The following MICAL3 variants were observed in gnomAD, a reference collection of about 807,000 sequenced individuals.
The protein encoded by MICAL3 is microtubule associated monooxygenase, calponin and LIM domain containing 3, also known as [F-actin]-monooxygenase MICAL3.
A neutral mutation model predicts 207.4 loss-of-function variants in MICAL3; 62 were observed. The ratio of observed to expected loss-of-function variants is 0.30; its 90% CI spans 0.24 to 0.37. The LOEUF (loss-of-function observed/expected upper bound fraction) is 0.37, where lower values mean the gene tolerates loss of function less well. Among genes scored for constraint, MICAL3 ranks in the 10% least tolerant of loss-of-function variants. The probability of loss-of-function intolerance (pLI) is 1.00; values close to 1 mark genes in which losing one functional copy is unlikely to be tolerated. For synonymous variants in MICAL3, 1,077 were observed against 1,069.3 expected (o/e 1.01, Z -0.14); for missense variants, 2,368 against 2,635.6 (o/e 0.90, Z 2.22).
chr22:17,948,907 T>A (rs1934202282), intron 1 of MICAL3, among the ~76,000 whole-genome samples: 2 of 34,404 alleles, frequency 5.8e-5, no homozygotes, highest in African/African-American at 1.7e-4. Flanking sequence ...AGTGAGATGC[T>A]GCCTCAAAAA....
chr22:17,818,145 TG>T lies in MICAL3; in HGVS notation c.4515del (p.Arg1506GlufsTer99), dbSNP rs1569078017. Reference sequence around the variant, plus strand: ...ACAAACGACTTCCGCACCTCCTCTCTGGGGGGCTGAGCAGGCTCCCGGGGGG... The same window carrying T: ...ACAAACGACTTCCGCACCTCCTCTCTGGGGGCTGAGCAGGCTCCCGGGGGG... ...MRPPREPAQP[P>X]REEVRKSFVE... On this transcript the variant is annotated frameshift_variant, in exon 26 of 32. Transcript: ENST00000441493. LOFTEE classifies it high-confidence loss of function. The T allele has an allele frequency of 6.2e-7, 1 of 1,606,464 alleles. No homozygotes were observed.
chr22:17,993,156 G>T (rs938844294), intron 1 of MICAL3, among the ~76,000 whole-genome samples: 1 of 152,118 alleles, frequency 6.6e-6, no homozygotes, highest in African/African-American at 2.4e-5. Context: ...ACAGGGAAAT[G>T]AATGACTCTG....
chr22:17,941,555 G>T (rs529936704), intron 1 of MICAL3, among the ~76,000 whole-genome samples: 1 of 152,354 alleles, frequency 6.6e-6, no homozygotes, highest in Admixed American at 6.5e-5. Flanking sequence ...AGCTTCAAAT[G>T]CTACACCAGA....
chr22:17,843,120 C>CA (rs71966425), intron 19 of MICAL3, among the ~76,000 whole-genome samples: 733 of 62,136 alleles, frequency 0.012, 24 homozygotes, highest in Middle Eastern at 0.021. Flanking sequence ...GACTTCATCT[C>CA]AAAAAAAAAA....
intron 19 of MICAL3, among the ~76,000 whole-genome samples, chr22:17,845,166 C>G (rs1456812273): frequency 1.3e-5 from 2 of 152,044 alleles, no homozygotes; most frequent in Non-Finnish European, 2.9e-5. Flanking sequence ...AAATACGGAA[C>G]AAAAAGTGGT....
intron 1 of MICAL3, among the ~76,000 whole-genome samples, chr22:17,920,436 G>A (rs1932776041): frequency 6.6e-6 from 1 of 152,080 alleles, no homozygotes; most frequent in African/African-American, 2.4e-5. Flanking sequence ...ACACTCCACT[G>A]AGGGTGACGG....
chr22:17,994,658 G>A (rs959256051), intron 1 of MICAL3, among the ~76,000 whole-genome samples: 4 of 151,696 alleles, frequency 2.6e-5, no homozygotes, highest in Admixed American at 2.6e-4. Context: ...GCTGCAGTGA[G>A]CCGAGATCAT....
In MICAL3 at chr22:17,789,319, G is replaced by A. The variant is rs2061808200; in HGVS notation, c.*1413C>T. The A allele has an allele frequency of 6.6e-6, 1 of 152,218 alleles. No homozygotes were observed. The highest frequency in any genetic ancestry group is 2.4e-5 in the African/African-American group (1 of 41,458). The allele number at this position is 152,218 out of a possible 1,614,324, so 9.4% of individuals were successfully genotyped here. A position where few individuals can be genotyped will look rare whatever the true frequency, so the allele number is the denominator to read the frequency against. ...ATTCTCACCAGCCACATGATTCCAG[G>A]GTCCCACCTTGCACCCTCTTGGCCT... On this transcript the variant is annotated 3_prime_UTR_variant, in exon 32 of 32. Transcript: ENST00000441493.
At chr22:17,813,173 C>G (rs552379488) in intron 27 of MICAL3, 1 of 152,224 alleles carries the variant, frequency 6.6e-6, no homozygotes, top group Non-Finnish European at 1.5e-5. Context: ...ACCAAAAGCA[C>G]GTCAGGCAGC....
chr22:18,001,878 C>G (rs5992958), intron 1 of MICAL3, among the ~76,000 whole-genome samples: 91,033 of 151,558 alleles, frequency 0.6, 28,677 homozygotes, highest in African/African-American at 0.8. Context: ...AAGCCTGCCC[C>G]CGGAGAGAAG....
At chr22:17,974,051 C>T (rs1602324816) in intron 1 of MICAL3, among the ~76,000 whole-genome samples, 2 of 152,330 alleles carry the variant, frequency 1.3e-5, no homozygotes, top group African/African-American at 4.8e-5. Flanking sequence ...TCATACTTCC[C>T]TCTGGGCCAT....
chr22:17,826,490 C>T (rs1922203446), intron 22 of MICAL3: 10 of 985,976 alleles, frequency 1.0e-5, no homozygotes, highest in South Asian at 4.7e-5. Flanking sequence ...TGCACCGCCG[C>T]GTGGCGTATG....
intron 16 of MICAL3, chr22:17,879,397 G>C: frequency 6.2e-7 from 1 of 1,612,000 alleles, no homozygotes; most frequent in Admixed American, 1.7e-5. Flanking sequence ...CAAGATCCCT[G>C]TATGTCTGTT....
At chr22:17,958,510 A>G (rs180794043) in intron 1 of MICAL3, among the ~76,000 whole-genome samples, 3 of 152,090 alleles carry the variant, frequency 2.0e-5, no homozygotes, top group East Asian at 1.9e-4. Flanking sequence ...TCCCCCGTTA[A>G]AGCTAGAAAA....
intron 1 of MICAL3, among the ~76,000 whole-genome samples, chr22:17,962,420 C>T (rs1307186669): frequency 6.6e-6 from 1 of 152,162 alleles, no homozygotes; most frequent in Non-Finnish European, 1.5e-5. Context: ...AGGCAGGCAG[C>T]TGACCCAGGG....
Position 17,913,528 on chromosome 22 carries a change from G to A in MICAL3, c.-74-6642C>T, listed in dbSNP as rs889653435. ...TGGGCGGGCAGTGACAGTCTAACAGGAACACTGCAAGAGTGTGGCATTTTT... is the reference window on the plus strand; with the variant it reads ...TGGGCGGGCAGTGACAGTCTAACAGAAACACTGCAAGAGTGTGGCATTTTT... On this transcript the variant is annotated intron_variant, in intron 1 of 31. Coordinates refer to ENST00000441493, the MANE Select transcript of MICAL3 (RefSeq NM_015241.3). 3.9e-5 allele frequency among the ~76,000 whole-genome samples: 6 copies of A among 152,046 alleles called. No homozygotes were observed. In the East Asian group the frequency reaches 7.7e-4, roughly 20 times the overall value.
At chr22:17,859,730 C>T (rs1042305941) in intron 19 of MICAL3, among the ~76,000 whole-genome samples, 1 of 152,176 alleles carries the variant, frequency 6.6e-6, no homozygotes, top group African/African-American at 2.4e-5. Context: ...ACGCCCCTGG[C>T]CCCAGCTCCC....
chr22:17,994,579 G>C (rs941675950), intron 1 of MICAL3, among the ~76,000 whole-genome samples: 2 of 152,184 alleles, frequency 1.3e-5, no homozygotes, highest in African/African-American at 4.8e-5. Flanking sequence ...CGGGTGTGGT[G>C]GTGTGGGCCT....
Position 17,818,061 on chromosome 22 carries a change from T to G in MICAL3, c.4600A>C (p.Thr1534Pro). 5 of 1,612,920 alleles carry G rather than the reference T, an allele frequency of 3.1e-6. No individual in the cohort carries two copies. The South Asian group carries it at 5.5e-5, about 18-fold the overall frequency. The change falls in exon 26 of 32, where the codon ACT becomes CCT. Residue 1534 changes from threonine to proline, a missense_variant. Coordinates refer to ENST00000441493, the MANE Select transcript of MICAL3 (RefSeq NM_015241.3). ...TTCTCCTGCAGGCTTGAGTCCTCAG[T>G]CTTGTCGTCATAGGTGTCCTCCACA... ...DDVEDTYDDK[T>P]EDSSLQEKFF... is the part of the protein sequence containing the mutation.
Sources: gnomAD v4.1 joint callset for allele counts (sites outside exome capture counted in the v4.1 genomes callset) on GRCh38, gnomAD v4.1.1 for gene constraint, MANE v1.5 for transcripts, NCBI Gene and HGNC (gene_info 2026-07-23, HGNC 2026-07-21) for gene names.